STXBP3: variants seen among roughly 807,000 people sequenced by gnomAD.
STXBP3 encodes the protein syntaxin-binding protein 3.
STXBP3 carries 41 observed loss-of-function variants against 85.7 expected under a neutral mutation model. That is an observed-to-expected ratio of 0.48 (90% confidence interval 0.37 to 0.62). The LOEUF (loss-of-function observed/expected upper bound fraction) is 0.62. Among genes scored for constraint, STXBP3 ranks in the 20% least tolerant of loss-of-function variants. The pLI, the probability that STXBP3 is intolerant of heterozygous loss-of-function variation, is 0.00. For synonymous variants in STXBP3, 229 were observed against 231.7 expected (o/e 0.99, Z 0.10); for missense variants, 563 against 703.1 (o/e 0.80, Z 2.25).
chr1:108,802,588 G>A (rs1445880031), intron 17 of STXBP3, among the ~76,000 whole-genome samples: 1 of 152,128 alleles, frequency 6.6e-6, no homozygotes, highest in Non-Finnish European at 1.5e-5. Context: ...GTTAGATGCA[G>A]CCCAGGCTAG....
intron 11 of STXBP3, among the ~76,000 whole-genome samples, chr1:108,790,618 A>AT (rs1234255740): frequency 6.6e-6 from 1 of 151,670 alleles, no homozygotes; most frequent in Middle Eastern, 3.6e-3. Flanking sequence ...TTTTCACTTC[A>AT]TTTTTTATAT....
intron 6 of STXBP3, among the ~76,000 whole-genome samples, chr1:108,764,400 G>A (rs1217460245): frequency 6.6e-6 from 1 of 151,932 alleles, no homozygotes; most frequent in African/African-American, 2.4e-5. Flanking sequence ...ATATTCTTTT[G>A]GGTATATACC....
intron 15 of STXBP3, among the ~76,000 whole-genome samples, chr1:108,797,249 G>A (rs1426286581): frequency 2.7e-5 from 4 of 149,768 alleles, no homozygotes; most frequent in African/African-American, 9.8e-5. Flanking sequence ...AGCTACTCAG[G>A]AGGCTGAGGA....
chr1:108,784,497 A>G (rs1370556235), intron 11 of STXBP3, among the ~76,000 whole-genome samples: 1 of 152,154 alleles, frequency 6.6e-6, no homozygotes, highest in Non-Finnish European at 1.5e-5. Flanking sequence ...AGTTATCTCT[A>G]CCTGGTCCTG....
chr1:108,797,361 A>AT (rs1663126462), intron 15 of STXBP3, among the ~76,000 whole-genome samples: 1 of 150,132 alleles, frequency 6.7e-6, no homozygotes, highest in Non-Finnish European at 1.5e-5. Context: ...CAAAAAAAAA[A>AT]GGCTCAAAGT....
At chr1:108,763,641 T>A (rs1239269449) in intron 6 of STXBP3, among the ~76,000 whole-genome samples, 1 of 152,140 alleles carries the variant, frequency 6.6e-6, no homozygotes, top group Non-Finnish European at 1.5e-5. Context: ...AGTGGCGCGA[T>A]CTCAGCTCAC....
intron 1 of STXBP3, among the ~76,000 whole-genome samples, chr1:108,747,110 G>GCCGCGCTCCCCACTCCTCCGCTCCGGT (rs1553194444): frequency 6.8e-6 from 1 of 147,394 alleles, no homozygotes; most frequent in African/African-American, 2.5e-5. Flanking sequence ...CGTGCCCTCG[G>GCCGCGCTCCCCACTCCTCCGCTCCGGT]CCGCGCTCCC....
chr1:108,785,760 C>T (rs1662813605), intron 11 of STXBP3, among the ~76,000 whole-genome samples: 1 of 152,164 alleles, frequency 6.6e-6, no homozygotes, highest in South Asian at 2.1e-4. Context: ...TAAATCATCT[C>T]TCTTGAGATC....
chr1:108,772,760 T>C lies in STXBP3; in HGVS notation c.534T>C (p.Ala178=), dbSNP rs958927382. 54 of 1,605,772 alleles carry C rather than the reference T, an allele frequency of 3.4e-5. No homozygotes were observed. The highest frequency in any genetic ancestry group is 4.4e-5 in the Non-Finnish European group (52 of 1,175,764). The change falls in exon 7 of 19, where the codon GCT becomes GCC. Residue 178 remains alanine (A), a synonymous_variant. Transcript: ENST00000370008. ...AAGATGCCATTATGGAAACAATGGC[T>C]GACCAGATAGTTACAGTGTGTGCCA... ...KGKDAIMETM[A]DQIVTVCATL...
chr1:108,755,510 CCTTT>C (rs1661999895), intron 3 of STXBP3, among the ~76,000 whole-genome samples: 1 of 151,622 alleles, frequency 6.6e-6, no homozygotes, highest in Non-Finnish European at 1.5e-5. Context: ...CTATTAAAGA[CCTTT>C]CTCTTTGTTT....
intron 11 of STXBP3, among the ~76,000 whole-genome samples, chr1:108,792,762 T>C (rs532676921): frequency 6.6e-6 from 1 of 152,350 alleles, no homozygotes; most frequent in South Asian, 2.1e-4. Flanking sequence ...AGTTTTGTTC[T>C]GGCAGGCAGT....
chr1:108,773,756 C>T (rs1662524313), intron 7 of STXBP3, among the ~76,000 whole-genome samples: 2 of 152,196 alleles, frequency 1.3e-5, no homozygotes, highest in African/African-American at 4.8e-5. Flanking sequence ...TGGGAGGAAA[C>T]CAGAGTACCA....
intron 9 of STXBP3, chr1:108,780,764 C>CTTTTTTTTTTTTTTTTTTTTTTT: frequency 7.3e-6 from 1 of 137,094 alleles, no homozygotes; most frequent in Non-Finnish European, 1.5e-5. Flanking sequence ...TTTAAATTTA[C>CTTTTTTTTTTTTTTTTTTTTTTT]TTTTTTTTTT....
intron 8 of STXBP3, among the ~76,000 whole-genome samples, chr1:108,776,747 T>C (rs1221344779): frequency 6.6e-6 from 1 of 152,188 alleles, no homozygotes; most frequent in African/African-American, 2.4e-5. Flanking sequence ...AAAATGGGGA[T>C]AATAAAAGAA....
At chr1:108,753,021 A>C (rs1267278137) in intron 2 of STXBP3, 42 bp from the exon 3 acceptor site, 4 of 1,450,828 alleles carry the variant, frequency 2.8e-6, no homozygotes, top group Non-Finnish European at 3.7e-6. Context: ...ATTCTTGGTA[A>C]TAGGATGCTT....
intron 7 of STXBP3, 25 bp downstream of exon 7, chr1:108,772,844 G>A: frequency 6.5e-7 from 1 of 1,545,332 alleles, no homozygotes; most frequent in East Asian, 2.5e-5. Context: ...ATCTGCACAT[G>A]TTATGCTTCC....
At chr1:108,765,403 A>T (rs532186696) in intron 6 of STXBP3, among the ~76,000 whole-genome samples, 4 of 152,172 alleles carry the variant, frequency 2.6e-5, no homozygotes, top group Non-Finnish European at 5.9e-5. Flanking sequence ...TTTTGGTGCC[A>T]TGTGGCTTGT....
At chr1:108,782,608 T>C (rs375493149) in intron 10 of STXBP3, 41 bp from the exon 11 acceptor site, 1 of 1,598,974 alleles carries the variant, frequency 6.3e-7, no homozygotes, top group Non-Finnish European at 8.5e-7. Context: ...TGTAAAGAAT[T>C]ACATCTTAGA....
intron 3 of STXBP3, among the ~76,000 whole-genome samples, chr1:108,754,953 GT>G (rs1661987311): frequency 6.6e-6 from 1 of 152,094 alleles, no homozygotes; most frequent in Non-Finnish European, 1.5e-5. Context: ...GTCCTTTTGA[GT>G]TCCACATTAG....
Sources: gnomAD v4.1 joint callset for allele counts (sites outside exome capture counted in the v4.1 genomes callset) on GRCh38, gnomAD v4.1.1 for gene constraint, MANE v1.5 for transcripts, NCBI Gene and HGNC (gene_info 2026-07-23, HGNC 2026-07-21) for gene names.